Variants in ADGRB3 observed in about 807,000 individuals in gnomAD.
The protein encoded by ADGRB3 is adhesion G protein-coupled receptor B3.
In ADGRB3, 37 loss-of-function variants were observed where a neutral mutation model predicts 193.4. That is an observed-to-expected ratio of 0.19 (90% CI 0.15 to 0.25). ADGRB3 has a LOEUF of 0.25. ADGRB3 is among the 10% of genes least tolerant of loss of function. The pLI, the probability that ADGRB3 is intolerant of heterozygous loss-of-function variation, is 1.00. For synonymous variants in ADGRB3, 690 were observed against 644.2 expected, an observed-to-expected ratio of 1.07 and a Z score of -1.08; for missense variants, 1,637 against 1,852.9, an observed-to-expected ratio of 0.88 and a Z score of 2.14.
intron 10 of ADGRB3, among the ~76,000 whole-genome samples, chr6:68,990,419 C>CT (rs1455398260): frequency 3.3e-5 from 5 of 152,054 alleles, no homozygotes; most frequent in Non-Finnish European, 7.4e-5. Context: ...CCTACAATGC[C>CT]AGGAAGGATG....
intron 12 of ADGRB3, among the ~76,000 whole-genome samples, chr6:69,018,115 C>G (rs981395590): frequency 4.0e-5 from 6 of 151,776 alleles, no homozygotes; most frequent in African/African-American, 1.5e-4. Flanking sequence ...GAAAAGTCGT[C>G]TATTTTTTGA....
intron 31 of ADGRB3, among the ~76,000 whole-genome samples, chr6:69,387,053 G>T (rs904144582): frequency 2.0e-5 from 3 of 152,028 alleles, no homozygotes; most frequent in African/African-American, 7.2e-5. Flanking sequence ...CACACGTTCT[G>T]CCAACTCCTT....
At chr6:69,319,875 T>A (rs1768407633) in intron 20 of ADGRB3, among the ~76,000 whole-genome samples, 1 of 151,550 alleles carries the variant, frequency 6.6e-6, no homozygotes, top group South Asian at 2.1e-4. Flanking sequence ...ATATGAAAGT[T>A]TCTAGCTTTT....
intron 6 of ADGRB3, among the ~76,000 whole-genome samples, chr6:68,946,954 A>G (rs957111459): frequency 6.6e-6 from 1 of 152,110 alleles, no homozygotes; most frequent in Non-Finnish European, 1.5e-5. Context: ...TGCTGAGTCA[A>G]TGCACAACTT....
At chr6:68,816,028 G>T (rs993529579) in intron 3 of ADGRB3, among the ~76,000 whole-genome samples, 1 of 151,892 alleles carries the variant, frequency 6.6e-6, no homozygotes, top group African/African-American at 2.4e-5. Flanking sequence ...ACTCCTGGAA[G>T]AAGAATGGAA....
chr6:68,789,605 A>C (rs563706385), intron 3 of ADGRB3, among the ~76,000 whole-genome samples: 1 of 152,014 alleles, frequency 6.6e-6, no homozygotes, highest in South Asian at 2.1e-4. Context: ...CTTCATTTCA[A>C]CTGGTGAATC....
chr6:68,654,366 T>G (rs1768442729), intron 3 of ADGRB3, among the ~76,000 whole-genome samples: 2 of 152,046 alleles, frequency 1.3e-5, no homozygotes, highest in Non-Finnish European at 2.9e-5. Context: ...CCTGGCTTTC[T>G]TATTCTCAAG....
chr6:69,119,517 T>C (rs1773625983), intron 17 of ADGRB3, among the ~76,000 whole-genome samples: 1 of 152,146 alleles, frequency 6.6e-6, no homozygotes, highest in Non-Finnish European at 1.5e-5. Flanking sequence ...GGAATTGTGG[T>C]GGGATATGGT....
At chr6:69,323,164 G>A (rs1049748516) in intron 20 of ADGRB3, among the ~76,000 whole-genome samples, 1 of 151,900 alleles carries the variant, frequency 6.6e-6, no homozygotes, top group Non-Finnish European at 1.5e-5. Context: ...TTACAGTTTG[G>A]TATAACTCTT....
intron 10 of ADGRB3, among the ~76,000 whole-genome samples, chr6:68,978,980 T>G (rs939764518): frequency 5.9e-5 from 9 of 151,466 alleles, no homozygotes; most frequent in African/African-American, 2.2e-4. Context: ...TGAAATGAAA[T>G]TTTATCATTA....
intron 20 of ADGRB3, among the ~76,000 whole-genome samples, chr6:69,276,838 T>C (rs1241626194): frequency 6.6e-6 from 1 of 152,130 alleles, no homozygotes; most frequent in Non-Finnish European, 1.5e-5. Flanking sequence ...GATATGTTTA[T>C]GGTGTAGATT....
At chr6:69,295,354 AAT>A (rs1242721152) in intron 20 of ADGRB3, among the ~76,000 whole-genome samples, 1 of 152,182 alleles carries the variant, frequency 6.6e-6, no homozygotes, top group Non-Finnish European at 1.5e-5. Context: ...GGTGGAACTG[AAT>A]CAAGGAACTT....
chr6:69,261,110 T>C lies in ADGRB3; in HGVS notation c.2814+21884T>C, dbSNP rs3799072. 3.2e-4 allele frequency among the ~76,000 whole-genome samples: 48 copies of C among 152,296 alleles called. No homozygotes were observed. In the East Asian group the frequency reaches 8.9e-3, roughly 28 times the overall value. On this transcript the variant is annotated intron_variant, in intron 20 of 31. Coordinates refer to ENST00000370598, the MANE Select transcript of ADGRB3 (RefSeq NM_001704.3). ...TGAATAATTATATGCAGTTGCACTA[T>C]TGAATAGAAAATTGTCACACACAAA...
intron 17 of ADGRB3, among the ~76,000 whole-genome samples, chr6:69,100,217 A>G (rs901672196): frequency 6.6e-6 from 1 of 152,172 alleles, no homozygotes; most frequent in Non-Finnish European, 1.5e-5. Context: ...TTCGGTCTAC[A>G]TCTATAACTT....
intron 20 of ADGRB3, among the ~76,000 whole-genome samples, chr6:69,273,353 CATGTAG>C (rs1767223793): frequency 1.3e-5 from 2 of 152,070 alleles, no homozygotes; most frequent in African/African-American, 4.8e-5. Flanking sequence ...AAAATGTGGC[CATGTAG>C]ACTAGTGATT....
chr6:69,065,589 A>G (rs1771876456), intron 16 of ADGRB3, among the ~76,000 whole-genome samples: 1 of 152,144 alleles, frequency 6.6e-6, no homozygotes, highest in African/African-American at 2.4e-5. Flanking sequence ...TCATAATATT[A>G]TTACCAGTCT....
chr6:69,193,825 A>C (rs1765246436), intron 17 of ADGRB3, among the ~76,000 whole-genome samples: 1 of 152,084 alleles, frequency 6.6e-6, no homozygotes, highest in Non-Finnish European at 1.5e-5. Flanking sequence ...CACAGCACAA[A>C]TTAAGATGAC....
intron 10 of ADGRB3, among the ~76,000 whole-genome samples, chr6:68,981,749 G>C (rs1768914291): frequency 1.3e-5 from 2 of 151,656 alleles, no homozygotes; most frequent in Middle Eastern, 3.4e-3. Context: ...CCTGCAGGCT[G>C]TAGTTTACTG....
intron 3 of ADGRB3, among the ~76,000 whole-genome samples, chr6:68,748,323 G>C (rs1238982196): frequency 2.6e-5 from 4 of 152,300 alleles, no homozygotes; most frequent in Non-Finnish European, 4.4e-5. Context: ...CTGCCTATGA[G>C]CCTGTAAAAT....
Sources: allele counts gnomAD v4.1 joint callset (sites outside exome capture counted in the v4.1 genomes callset), GRCh38; gene constraint gnomAD v4.1.1; transcripts MANE v1.5; gene names NCBI Gene and HGNC (gene_info 2026-07-23, HGNC 2026-07-21).